Variants in HELZ observed in about 807,000 individuals in gnomAD.
HELZ encodes the protein helicase with zinc finger, also known as ATP-dependent RNA helicase with zinc finger domain.
Under a neutral mutation model 218.2 loss-of-function variants are expected in HELZ, and 23 were observed. The observed-to-expected ratio is 0.11, with a 90% CI of 0.08 to 0.15. The LOEUF (loss-of-function observed/expected upper bound fraction) is 0.15. Among genes scored for constraint, HELZ ranks in the 10% least tolerant of loss-of-function variants. The pLI is 1.00. For synonymous variants in HELZ, 814 were observed against 829.4 expected (o/e 0.98, Z 0.32); for missense variants, 1,813 against 2,353.7 (o/e 0.77, Z 4.75).
chr17:67,103,618 C>T (rs2036996130), intron 31 of HELZ, among the ~76,000 whole-genome samples: 1 of 152,164 alleles, frequency 6.6e-6, no homozygotes, highest in Non-Finnish European at 1.5e-5. Flanking sequence ...AGAAAGATGT[C>T]CATGTTCAGG....
intron 31 of HELZ, among the ~76,000 whole-genome samples, chr17:67,087,812 T>C (rs2036439453): frequency 6.6e-6 from 1 of 152,228 alleles, no homozygotes; most frequent in Non-Finnish European, 1.5e-5. Flanking sequence ...AAGATCTATG[T>C]GGCAGCCATG....
rs572599226 is a variant in HELZ, at chr17:67,136,269, C to A, written c.2954-71G>T. On this transcript the variant is annotated intron_variant, in intron 22 of 32. Coordinates refer to ENST00000358691, the MANE Select transcript of HELZ (RefSeq NM_014877.4). ...AACCACTGATATAATAAAAGCATTG[C>A]ATTTTTTAAAATGTTATTGCTAAAT... The A allele has an allele frequency of 1.2e-5, 12 of 1,041,964 alleles. No individual in the cohort carries two copies. The East Asian group carries it at 2.9e-4, about 25-fold the overall frequency. 64.5% of individuals were successfully genotyped at this position (1,041,964 alleles called of 1,614,324 possible).
chr17:67,143,445 A>G (rs965588511), intron 21 of HELZ, among the ~76,000 whole-genome samples: 4 of 151,992 alleles, frequency 2.6e-5, no homozygotes, highest in Admixed American at 6.6e-5. Flanking sequence ...CCATCTCTAC[A>G]AAATACATTT....
chr17:67,167,659 G>A lies in HELZ; in HGVS notation c.1568C>T (p.Ala523Val), dbSNP rs759004240. Residue 523 changes from alanine (A) to valine (V), a missense_variant, in exon 14 of 33, where the codon GCT becomes GTT. By Grantham distance (64) the Ala-to-Val change is moderately conservative. Around this residue, in one of 4 missense-constraint regions of HELZ, gnomAD observed 714 missense variants for 1,029.2 expected, o/e 0.69. Transcript: ENST00000358691. ...GACTTTGGTCATCACCAGTCGTCCA[G>A]CCAAAGTATCTTCAGAAAGTGTTTC... ...LTETLSEDTL[A>V]GRLVMTKVNA... 8.7e-6 allele frequency: 14 copies of A among 1,614,026 alleles called. No homozygotes were observed. Among genetic ancestry groups the A allele is most frequent in the African/African-American group, 1.3e-5 (1 of 74,896 alleles).
rs1426427992 is a variant in HELZ at position 67,072,857 on chromosome 17, A to C, written c.*5395T>G. ...CTGAGACTTTCAAACTGCGAGAATC[A>C]GACCCAGTGATTTTCAAAGTGTGGT... On this transcript the variant is annotated 3_prime_UTR_variant, in exon 33 of 33. Coordinates refer to ENST00000358691, the MANE Select transcript of HELZ (RefSeq NM_014877.4). 1 of 152,254 alleles carries C rather than the reference A, an allele frequency of 6.6e-6. No individual in the cohort carries two copies. 9.4% of individuals were successfully genotyped at this position (152,254 alleles called of 1,614,324 possible).
chr17:67,178,145 A>G (rs770916707), intron 13 of HELZ, among the ~76,000 whole-genome samples: 2 of 152,220 alleles, frequency 1.3e-5, no homozygotes, highest in Non-Finnish European at 2.9e-5. Context: ...TGATTTAAGC[A>G]CTTGGTCTTA....
At chr17:67,160,793 A>C in intron 16 of HELZ, 104 bp downstream of exon 16, 1 of 792,650 alleles carries the variant, frequency 1.3e-6, no homozygotes, top group Non-Finnish European at 1.9e-6. Flanking sequence ...TTCATGTTTA[A>C]GAGCTGCATG....
chr17:67,189,704 CAG>C lies in HELZ; in HGVS notation c.757-10_757-9del. On this transcript the variant is annotated splice_polypyrimidine_tract_variant and intron_variant, in intron 10 of 32. Coordinates refer to ENST00000358691, the MANE Select transcript of HELZ (RefSeq NM_014877.4). ...TTCTATACATTCACTAAGCTGAAAACAGACAGCAATTTATGTTATGTTTTTAT... is the reference window on the plus strand; with the variant it reads ...TTCTATACATTCACTAAGCTGAAAACACAGCAATTTATGTTATGTTTTTAT... 6.5e-7 allele frequency: 1 copy of C among 1,542,862 alleles called. No individual in the cohort carries two copies. The highest frequency in any genetic ancestry group is 2.2e-5 in the East Asian group (1 of 44,534).
At chr17:67,204,322 A>T (rs991478115) in intron 5 of HELZ, among the ~76,000 whole-genome samples, 1 of 152,206 alleles carries the variant, frequency 6.6e-6, no homozygotes, top group African/African-American at 2.4e-5. Context: ...AAACTAATAA[A>T]ATTCTACATA....
intron 13 of HELZ, among the ~76,000 whole-genome samples, chr17:67,174,039 C>T (rs1022376063): frequency 2.0e-5 from 3 of 151,992 alleles, no homozygotes; most frequent in Non-Finnish European, 4.4e-5. Context: ...GAACACACAC[C>T]AACATGTGAC....
intron 27 of HELZ, among the ~76,000 whole-genome samples, chr17:67,117,880 AT>A (rs1318955506): frequency 1.3e-5 from 2 of 152,148 alleles, no homozygotes; most frequent in African/African-American, 4.8e-5. Flanking sequence ...TGAAAAAAAA[AT>A]AAAGACCTAA....
intron 32 of HELZ, among the ~76,000 whole-genome samples, chr17:67,085,283 A>G (rs1182547001): frequency 6.6e-6 from 1 of 152,042 alleles, no homozygotes; most frequent in Non-Finnish European, 1.5e-5. Flanking sequence ...TTAGCCAGGC[A>G]TAGTGGCACA....
In HELZ at chr17:67,119,500, G is replaced by C. The variant is rs962047931; in HGVS notation, c.3838+905C>G. On this transcript the variant is annotated intron_variant, in intron 27 of 32. Transcript: ENST00000358691. The stretch of plus-strand genomic sequence containing the variant: ...AGGATGGGATTGCAAAGGGTGGAAA[G>C]AAACTTTTTGTAAATATGTAAATAT... Among the ~76,000 whole-genome samples the C allele has an allele frequency of 3.3e-4, 49 of 150,340 alleles. 2 individuals carry two copies. Among genetic ancestry groups the C allele is most frequent in the Admixed American group, 2.2e-3 (34 of 15,266 alleles).
Position 67,110,387 on chromosome 17 carries a change from A to G in HELZ, c.3919-701T>C, listed in dbSNP as rs560496776. Among the ~76,000 whole-genome samples the G allele has an allele frequency of 1.4e-4, 21 of 152,218 alleles. No homozygotes were observed. In the South Asian group the frequency reaches 3.9e-3, roughly 29 times the overall value. On this transcript the variant is annotated intron_variant, in intron 28 of 32. Transcript: ENST00000358691. ...CCCAGCCTGATTTTATTGTTTTTAT[A>G]TATCTAATATATTTCCTCAAAAATA...
rs767464522 is a variant in HELZ, at chr17:67,188,531, C to T, written c.950G>A (p.Ser317Asn). 6.2e-7 allele frequency: 1 copy of T among 1,613,750 alleles called. No homozygotes were observed. The highest frequency in any genetic ancestry group is 1.1e-5 in the South Asian group (1 of 91,080). ...FSIIAISAGD[S>N]TTQVSQEVPE... ...GACTTCTTGTGATACCTGGGTAGTA[C>T]TATCTCCGGCAGATATTGCAATGAT... Residue 317 changes from serine to asparagine, a missense_variant, in exon 12 of 33, where the codon AGT becomes AAT. By Grantham distance (46) the Ser-to-Asn change is conservative. This residue lies in a region of HELZ where 714 missense variants were observed against 1,029.2 expected (regional missense o/e 0.69). Transcript: ENST00000358691. The surrounding 1 kb of genome is among the most constrained non-coding windows in gnomAD (Gnocchi z 4.1).
rs1413476206 is a variant in HELZ, at chr17:67,073,800, G to C, written c.*4452C>G. 6.6e-6 allele frequency: 1 copy of C among 152,096 alleles called. No individual in the cohort carries two copies. The highest frequency in any genetic ancestry group is 1.5e-5 in the Non-Finnish European group (1 of 68,020). 9.4% of individuals were successfully genotyped at this position (152,096 alleles called of 1,614,324 possible). A position where few individuals can be genotyped will look rare whatever the true frequency, so the allele number is the denominator to read the frequency against. On this transcript the variant is annotated 3_prime_UTR_variant, in exon 33 of 33. Coordinates refer to ENST00000358691, the MANE Select transcript of HELZ (RefSeq NM_014877.4). ...GTAAGATTCACTCCTTGCAACAATG[G>C]TCTTGACATTACTGATTAAAAAGGT...
intron 27 of HELZ, among the ~76,000 whole-genome samples, chr17:67,119,592 T>A (rs2037534730): frequency 6.6e-6 from 1 of 152,212 alleles, no homozygotes; most frequent in Non-Finnish European, 1.5e-5. Flanking sequence ...ATGTACGTTT[T>A]AAAAGGGTGA....
At chr17:67,100,805 A>G (rs933647651) in intron 31 of HELZ, among the ~76,000 whole-genome samples, 1 of 152,202 alleles carries the variant, frequency 6.6e-6, no homozygotes, top group Non-Finnish European at 1.5e-5. Flanking sequence ...AGAGAGAGAA[A>G]GAAAGAAGAG....
rs1279065509 is a variant in HELZ at position 67,073,374 on chromosome 17, C to G, written c.*4878G>C. 2 of 152,540 alleles carry G rather than the reference C, an allele frequency of 1.3e-5. No homozygotes were observed. The highest frequency in any genetic ancestry group is 4.8e-5 in the African/African-American group (2 of 41,418). The allele number at this position is 152,540 out of a possible 1,614,324, so 9.4% of individuals were successfully genotyped here. ...ATTTCATAATATTGTTTAATGAACT[C>G]ATAGAATTATATAAAACTTACTATG... On this transcript the variant is annotated 3_prime_UTR_variant, in exon 33 of 33. Transcript: ENST00000358691.
Sources: allele counts gnomAD v4.1 joint callset (sites outside exome capture counted in the v4.1 genomes callset), GRCh38; gene constraint gnomAD v4.1.1; regional missense constraint gnomAD v4.1.1; non-coding constraint Gnocchi (gnomAD v3.1); transcripts MANE v1.5; gene names NCBI Gene and HGNC (gene_info 2026-07-23, HGNC 2026-07-21).